NHSL2: variants seen among roughly 807,000 people sequenced by gnomAD.
The protein encoded by NHSL2 is NHS like 2.
NHSL2 carries 27 observed loss-of-function variants against 53.4 expected under a neutral mutation model. The ratio of observed to expected loss-of-function variants is 0.51; its 90% CI spans 0.37 to 0.70. The LOEUF (loss-of-function observed/expected upper bound fraction) is 0.70, where lower values mean the gene tolerates loss of function less well. Among genes scored for constraint, NHSL2 ranks in the 30% least tolerant of loss-of-function variants. The pLI is 0.00. For missense variants in NHSL2, 892 were observed against 980.1 expected, an observed-to-expected ratio of 0.91 and a Z score of 1.20; for synonymous variants, 408 against 404.1, an observed-to-expected ratio of 1.01 and a Z score of -0.12.
At chrX:71,997,578 T>G (rs138624277) in intron 1 of NHSL2, among the ~76,000 whole-genome samples, 1 of 112,519 alleles carries the variant, frequency 8.9e-6, no homozygotes, top group Non-Finnish European at 1.9e-5. Flanking sequence ...GGAGGCAGAA[T>G]AGCCTACTGG....
chrX:71,924,617 G>A (rs1290180880), intron 1 of NHSL2, among the ~76,000 whole-genome samples: 1 of 112,129 alleles, frequency 8.9e-6, no homozygotes, highest in Non-Finnish European at 1.9e-5. Context: ...AGGTTGTGAG[G>A]ATTTGGAAAC....
chrX:72,054,798 A>G (rs778329743), intron 1 of NHSL2, among the ~76,000 whole-genome samples: 2 of 111,541 alleles, frequency 1.8e-5, no homozygotes, highest in Admixed American at 9.5e-5. Context: ...GATGACATTC[A>G]TCGACCTCAC....
chrX:72,071,543 C>A (rs768136723), intron 1 of NHSL2, among the ~76,000 whole-genome samples: 117 of 111,525 alleles, frequency 1.0e-3, no homozygotes, highest in Non-Finnish European at 1.8e-3. Context: ...TCTGGCAGCA[C>A]GAGGAGGTGG....
intron 1 of NHSL2, among the ~76,000 whole-genome samples, chrX:72,112,479 T>A (rs1474529556): frequency 8.9e-6 from 1 of 111,918 alleles, no homozygotes; most frequent in African/African-American, 3.3e-5. Flanking sequence ...GAGACCTTTT[T>A]CTCATTAGCA....
intron 1 of NHSL2, among the ~76,000 whole-genome samples, chrX:71,974,345 G>A (rs1326819299): frequency 8.9e-6 from 1 of 112,078 alleles, no homozygotes; most frequent in African/African-American, 3.2e-5. Context: ...GTGTTACAAT[G>A]TGAGGCTTAC....
intron 1 of NHSL2, among the ~76,000 whole-genome samples, chrX:71,959,940 C>G (rs976110179): frequency 1.8e-5 from 2 of 111,782 alleles, no homozygotes; most frequent in Non-Finnish European, 1.9e-5. Flanking sequence ...GGGTCATATG[C>G]TAACTCTATG....
chrX:72,005,834 C>T (rs1358278639), intron 1 of NHSL2, among the ~76,000 whole-genome samples: 5 of 111,802 alleles, frequency 4.5e-5, no homozygotes, highest in Non-Finnish European at 9.4e-5. Context: ...ATGGCAATTT[C>T]GGACATGTTG....
At chrX:71,987,629 T>C (rs985441176) in intron 1 of NHSL2, among the ~76,000 whole-genome samples, 1 of 112,828 alleles carries the variant, frequency 8.9e-6, no homozygotes, top group African/African-American at 3.2e-5. Context: ...TAAAGTCACA[T>C]GAACCAAAAG....
intron 1 of NHSL2, among the ~76,000 whole-genome samples, chrX:72,033,248 G>A (rs1433860588): frequency 5.7e-5 from 6 of 104,672 alleles, no homozygotes; most frequent in Non-Finnish European, 9.7e-5. Flanking sequence ...GTGCAGTGGC[G>A]CAATCTTGGC....
chrX:72,086,555 G>T (rs190236736), intron 1 of NHSL2, among the ~76,000 whole-genome samples: 1 of 109,837 alleles, frequency 9.1e-6, no homozygotes, highest in Non-Finnish European at 1.9e-5. Flanking sequence ...GTGGTGGCAG[G>T]TGCCTGTAAT....
At chrX:72,066,876 T>C (rs995697814) in intron 1 of NHSL2, among the ~76,000 whole-genome samples, 9 of 112,086 alleles carry the variant, frequency 8.0e-5, no homozygotes, top group African/African-American at 2.9e-4. Flanking sequence ...ACAGGTGTAA[T>C]CCCAGTACTT....
chrX:72,142,472 A>T, intron 7 of NHSL2, 108 bp downstream of exon 7: 1 of 664,306 alleles, frequency 1.5e-6, no homozygotes, highest in Middle Eastern at 3.9e-4. Context: ...AAAAGAAAAA[A>T]ATTAAAAATA....
rs185594805 is a variant in NHSL2, at chrX:72,025,485, C to T, written c.281-106594C>T. On this transcript the variant is annotated intron_variant, in intron 1 of 7. Coordinates refer to ENST00000633930, the MANE Select transcript of NHSL2 (RefSeq NM_001013627.3). Reference sequence around the variant, plus strand: ...TCCCACTTGACACACAGGAGACCAGCGCTAGACAGGAGGGAAGCCTTGTCT... The same window carrying T: ...TCCCACTTGACACACAGGAGACCAGTGCTAGACAGGAGGGAAGCCTTGTCT... Among the ~76,000 whole-genome samples, 49 of 112,289 alleles carry T rather than the reference C, an allele frequency of 4.4e-4. 1 individual carries two copies. Among genetic ancestry groups the T allele is most frequent in the African/African-American group, 7.1e-4 (22 of 30,923 alleles).
chrX:71,989,361 A>AG (rs2060281629), intron 1 of NHSL2, among the ~76,000 whole-genome samples: 1 of 109,613 alleles, frequency 9.1e-6, no homozygotes, highest in African/African-American at 3.3e-5. Flanking sequence ...AAAAAAAAAA[A>AG]AAAAAAAGGT....
In NHSL2 at chrX:72,109,509, G is replaced by T. The variant is rs538892457; in HGVS notation, c.281-22570G>T. Among the ~76,000 whole-genome samples, 17 of 111,642 alleles carry T rather than the reference G, an allele frequency of 1.5e-4. No homozygotes were observed. In the South Asian group the frequency reaches 5.7e-3, roughly 37 times the overall value. ...TTGGGAGACAGAGTCTCATACTGTCGCCTGGGATTGAGTGCAATGGCGCGA... is the reference window on the plus strand; with the variant it reads ...TTGGGAGACAGAGTCTCATACTGTCTCCTGGGATTGAGTGCAATGGCGCGA... On this transcript the variant is annotated intron_variant, in intron 1 of 7. Coordinates refer to ENST00000633930, the MANE Select transcript of NHSL2 (RefSeq NM_001013627.3).
chrX:72,107,615 C>T (rs908111555), intron 1 of NHSL2, among the ~76,000 whole-genome samples: 2 of 111,818 alleles, frequency 1.8e-5, no homozygotes, highest in East Asian at 2.8e-4. Context: ...GTGGGGAGGA[C>T]GACTCATGTG....
intron 1 of NHSL2, among the ~76,000 whole-genome samples, chrX:72,052,480 C>T (rs1217773548): frequency 8.9e-6 from 1 of 112,573 alleles, no homozygotes. Flanking sequence ...GCCAACCGCC[C>T]TGGGAGTTGC....
chrX:71,925,190 G>A (rs188831796), intron 1 of NHSL2, among the ~76,000 whole-genome samples: 4 of 111,866 alleles, frequency 3.6e-5, no homozygotes, highest in Admixed American at 9.5e-5. Context: ...ACACCCAAGA[G>A]GTGGTTATTG....
At chrX:72,043,000 C>G (rs141262639) in intron 1 of NHSL2, among the ~76,000 whole-genome samples, 21 of 111,362 alleles carry the variant, frequency 1.9e-4, no homozygotes, top group African/African-American at 6.9e-4. Context: ...CTGTTCTGTG[C>G]CAGGCCTGGA....
Sources: gnomAD v4.1 joint callset for allele counts (sites outside exome capture counted in the v4.1 genomes callset) on GRCh38, gnomAD v4.1.1 for gene constraint, MANE v1.5 for transcripts, NCBI Gene and HGNC (gene_info 2026-07-23, HGNC 2026-07-21) for gene names.